Variants in MED12L observed in about 807,000 individuals in gnomAD.
MED12L encodes mediator of RNA polymerase II transcription subunit 12-like protein.
MED12L carries 60 observed loss-of-function variants against 281.3 expected under a neutral mutation model. That is an observed-to-expected ratio of 0.21 (90% CI 0.17 to 0.26). MED12L has a LOEUF of 0.26. Ranked by LOEUF, MED12L falls within the 10% of genes least tolerant of loss-of-function variation. The pLI, the probability that MED12L is intolerant of heterozygous loss-of-function variation, is 1.00. For missense variants in MED12L, 2,146 were observed against 2,680.9 expected (o/e 0.80, Z 4.41); for synonymous variants, 974 against 987.2 (o/e 0.99, Z 0.25).
chr3:151,224,242 ATT>A (rs1189922426), intron 16 of MED12L, among the ~76,000 whole-genome samples: 1 of 151,770 alleles, frequency 6.6e-6, no homozygotes, highest in African/African-American at 2.4e-5. Flanking sequence ...ACTTTTATAT[ATT>A]TTTTTTCCTT....
At chr3:151,197,614 A>G (rs888544740) in intron 16 of MED12L, among the ~76,000 whole-genome samples, 2 of 152,182 alleles carry the variant, frequency 1.3e-5, no homozygotes, top group Non-Finnish European at 2.9e-5. Flanking sequence ...CTGTTTTACC[A>G]TTGATGTGCT....
chr3:151,302,947 C>T (rs561798297), intron 16 of MED12L, among the ~76,000 whole-genome samples: 19 of 152,190 alleles, frequency 1.2e-4, no homozygotes, highest in African/African-American at 4.3e-4. Context: ...AGAGGTGTAC[C>T]CGAACTGAGG....
At chr3:151,408,778 TG>T (rs1225496971) in intron 39 of MED12L, among the ~76,000 whole-genome samples, 3 of 152,260 alleles carry the variant, frequency 2.0e-5, no homozygotes, top group Admixed American at 6.5e-5. Flanking sequence ...CTTGAATATC[TG>T]GCTAAATAGG....
chr3:151,345,631 C>T (rs1283461776), intron 16 of MED12L, among the ~76,000 whole-genome samples: 1 of 151,258 alleles, frequency 6.6e-6, no homozygotes, highest in Non-Finnish European at 1.5e-5. Flanking sequence ...AATTTTCCTG[C>T]CTCAGCCTCC....
chr3:151,286,921 A>T (rs756602786), intron 16 of MED12L, among the ~76,000 whole-genome samples: 1 of 152,172 alleles, frequency 6.6e-6, no homozygotes, highest in Non-Finnish European at 1.5e-5. Flanking sequence ...ATTGTCTGTT[A>T]TGCTTATTAA....
chr3:151,156,305 A>G lies in MED12L; in HGVS notation c.701A>G (p.Glu234Gly), dbSNP rs761030969. The G allele has an allele frequency of 5.6e-5, 90 of 1,610,302 alleles. No homozygotes were observed. The highest frequency in any genetic ancestry group is 7.3e-5 in the Non-Finnish European group (86 of 1,178,530). The change falls in exon 6 of 45, where the codon GAA becomes GGA. Residue 234 changes from glutamate (E) to glycine (G), a missense_variant. Physicochemically the swap from Glu to Gly is moderately conservative, Grantham distance 98. Coordinates refer to ENST00000687756, the MANE Select transcript of MED12L (RefSeq NM_001393769.1). ...EQAMKQWEYNEKLAFHMFQEG... is the reference protein window; with the variant it reads ...EQAMKQWEYNGKLAFHMFQEG... Reference sequence around the variant, plus strand: ...GCCATGAAGCAATGGGAATACAACGAAAAGCTAGCATTTCACATGTTCCAG... The same window carrying G: ...GCCATGAAGCAATGGGAATACAACGGAAAGCTAGCATTTCACATGTTCCAG...
chr3:151,410,891 G>T (rs989938775), intron 40 of MED12L, among the ~76,000 whole-genome samples: 3 of 152,168 alleles, frequency 2.0e-5, no homozygotes, highest in East Asian at 1.9e-4. Flanking sequence ...TTTTGGAAAT[G>T]ATATTAATAA....
intron 9 of MED12L, 47 bp downstream of exon 9, chr3:151,164,089 A>G (rs765480961): frequency 1.3e-6 from 2 of 1,599,302 alleles, no homozygotes; most frequent in Non-Finnish European, 1.7e-6. Context: ...CATTCTTGAC[A>G]GGCATCAGGG....
chr3:151,087,433 C>G (rs1270853442), intron 2 of MED12L, among the ~76,000 whole-genome samples: 3 of 152,208 alleles, frequency 2.0e-5, no homozygotes, highest in South Asian at 2.1e-4. Flanking sequence ...TGAGGTCTTG[C>G]GTTTTGCTTT....
At chr3:151,393,663 A>T (rs1349431135) in intron 38 of MED12L, among the ~76,000 whole-genome samples, 1 of 152,150 alleles carries the variant, frequency 6.6e-6, no homozygotes, top group Non-Finnish European at 1.5e-5. Context: ...AAACCAGGGG[A>T]TAGTTTTGCA....
intron 27 of MED12L, among the ~76,000 whole-genome samples, chr3:151,375,703 AAGTTAGAAAAAACTGACACAAAAT>A (rs907494424): frequency 7.9e-5 from 12 of 152,156 alleles, no homozygotes; most frequent in Admixed American, 7.9e-4. Context: ...ATTATATAGC[AAGTTAGAAAAAACTGACACAAAAT>A]AGTGCCTAGA....
At chr3:151,266,433 T>A (rs888611268) in intron 16 of MED12L, among the ~76,000 whole-genome samples, 1 of 152,236 alleles carries the variant, frequency 6.6e-6, no homozygotes, top group Admixed American at 6.5e-5. Flanking sequence ...GCGAACGGAC[T>A]TAACATTAAA....
At chr3:151,162,065 A>G (rs372023668) in intron 8 of MED12L, among the ~76,000 whole-genome samples, 1 of 152,210 alleles carries the variant, frequency 6.6e-6, no homozygotes, top group Admixed American at 6.5e-5. Flanking sequence ...TGGATAATGG[A>G]TAAAGATGGC....
chr3:151,164,059 A>G lies in MED12L; in HGVS notation c.1257+17A>G. The G allele has an allele frequency of 6.2e-7, 1 of 1,611,094 alleles. No individual in the cohort carries two copies. The highest frequency in any genetic ancestry group is 8.5e-7 in the Non-Finnish European group (1 of 1,178,208). ...AATCAGCAGGTAGACTTTATGTTTC[A>G]GTGATTTGATGGCTGTTTTCATTCT... On this transcript the variant is annotated intron_variant, in intron 9 of 44. Coordinates refer to ENST00000687756, the MANE Select transcript of MED12L (RefSeq NM_001393769.1).
intron 2 of MED12L, among the ~76,000 whole-genome samples, chr3:151,113,820 C>A (rs965968209): frequency 4.6e-5 from 7 of 152,052 alleles, no homozygotes; most frequent in Non-Finnish European, 1.0e-4. Context: ...TTCATCCCAG[C>A]GATTAGCAGT....
intron 11 of MED12L, 61 bp from the exon 12 acceptor site, chr3:151,185,269 G>C: frequency 1.3e-6 from 2 of 1,559,242 alleles, no homozygotes; most frequent in Non-Finnish European, 1.7e-6. Context: ...CTTGCTTCCT[G>C]CCTCTTGCTG....
At chr3:151,287,057 T>C (rs938291604) in intron 16 of MED12L, among the ~76,000 whole-genome samples, 1 of 152,138 alleles carries the variant, frequency 6.6e-6, no homozygotes, top group African/African-American at 2.4e-5. Context: ...GGGGATTAAA[T>C]GGGTTAATAC....
chr3:151,322,813 A>G (rs1749144907), intron 16 of MED12L, among the ~76,000 whole-genome samples: 1 of 152,062 alleles, frequency 6.6e-6, no homozygotes, highest in Admixed American at 6.6e-5. Context: ...TGTTGTGACC[A>G]TGAGACCTGT....
intron 11 of MED12L, among the ~76,000 whole-genome samples, chr3:151,180,100 G>T (rs1384646232): frequency 6.6e-6 from 1 of 152,050 alleles, no homozygotes; most frequent in African/African-American, 2.4e-5. Flanking sequence ...CTTTTTATAG[G>T]CATAATTGAT....
Sources: allele counts gnomAD v4.1 joint callset (sites outside exome capture counted in the v4.1 genomes callset), GRCh38; gene constraint gnomAD v4.1.1; transcripts MANE v1.5; gene names NCBI Gene and HGNC (gene_info 2026-07-23, HGNC 2026-07-21).